Variants in ATP5MC3 observed in about 807,000 individuals in gnomAD.
ATP5MC3 encodes ATP synthase membrane subunit c locus 3.
In ATP5MC3, 6 loss-of-function variants were observed where a neutral mutation model predicts 15.6. The ratio of observed to expected loss-of-function variants is 0.38; its 90% CI spans 0.21 to 0.76. ATP5MC3 has a LOEUF of 0.76. Ranked by LOEUF, ATP5MC3 falls within the 30% of genes least tolerant of loss-of-function variation. The pLI, the probability that ATP5MC3 is intolerant of heterozygous loss-of-function variation, is 0.44. For missense variants in ATP5MC3, 132 were observed against 171.2 expected, an observed-to-expected ratio of 0.77 and a Z score of 1.28; for synonymous variants, 66 against 63.3, an observed-to-expected ratio of 1.04 and a Z score of -0.20.
At chr2:175,178,602 TA>T (rs1700722811) in intron 4 of ATP5MC3, 200 bp from the exon 5 acceptor site, 1 of 1,301,928 alleles carries the variant, frequency 7.7e-7, no homozygotes, top group Non-Finnish European at 9.8e-7. Flanking sequence ...TCTGTCAATA[TA>T]AATGGTTAGT....
At chr2:175,179,510 T>A in intron 3 of ATP5MC3, 1 of 412,116 alleles carries the variant, frequency 2.4e-6, no homozygotes, top group Non-Finnish European at 4.2e-6. Context: ...TGTTTTTTCT[T>A]AAAAGAGACA....
chr2:175,180,332 T>C (rs1312660861), intron 2 of ATP5MC3, among the ~76,000 whole-genome samples, 154 bp from the exon 3 acceptor site: 2 of 152,236 alleles, frequency 1.3e-5, no homozygotes, highest in East Asian at 1.9e-4. Flanking sequence ...TCATTTTTAA[T>C]ACATAAGCAA....
At position 175,181,427 on chromosome 2, in the gene ATP5MC3, T is replaced by C. The variant is rs569629231; in HGVS notation, c.-34A>G. On this transcript the variant is annotated 5_prime_UTR_variant, in exon 2 of 5. Transcript: ENST00000284727. ...CTTCGGGACTGCGCGGCTGGAGATA[T>C]TGGGTGACAGGCGACGTGGGCTCCT... 5.2e-5 allele frequency: 84 copies of C among 1,612,536 alleles called. No individual in the cohort carries two copies. The highest frequency in any genetic ancestry group is 2.5e-4 in the East Asian group (11 of 44,762).
intron 1 of ATP5MC3, 92 bp downstream of exon 1, chr2:175,181,564 C>T: frequency 1.3e-6 from 1 of 779,288 alleles, no homozygotes; most frequent in Non-Finnish European, 2.0e-6. Context: ...AGCTTGGGCC[C>T]CGTGCCCAGT....
In ATP5MC3 at chr2:175,178,047, C is replaced by A; in HGVS notation, c.*241G>T. On this transcript the variant is annotated 3_prime_UTR_variant, in exon 5 of 5. Coordinates refer to ENST00000284727, the MANE Select transcript of ATP5MC3 (RefSeq NM_001689.5). ...GGAATATTTTTCATCAGTGGAGCAA[C>A]TGCTGTAGCTTCCTCTGAATGGGAC... The A allele has an allele frequency of 2.0e-6, 1 of 501,910 alleles. No individual in the cohort carries two copies. Among genetic ancestry groups the A allele is most frequent in the Middle Eastern group, 6.4e-4 (1 of 1,572 alleles). The allele number at this position is 501,910 out of a possible 1,614,324, so 31.1% of individuals were successfully genotyped here. A position where few individuals can be genotyped will look rare whatever the true frequency, so the allele number is the denominator to read the frequency against.
In ATP5MC3 at chr2:175,176,556, A is replaced by G. The variant is rs930979183; in HGVS notation, c.*1732T>C. The G allele has an allele frequency of 4.6e-5, 7 of 152,174 alleles. No homozygotes were observed. The highest frequency in any genetic ancestry group is 9.7e-5 in the African/African-American group (4 of 41,436). The allele number at this position is 152,174 out of a possible 1,614,324, so 9.4% of individuals were successfully genotyped here. On this transcript the variant is annotated 3_prime_UTR_variant, in exon 5 of 5. Transcript: ENST00000284727. ...ACCAACTTTAATGACACTAATGTTA[A>G]TAAGTTCTGATAACCCACTACCATC...
chr2:175,178,845 T>A, intron 4 of ATP5MC3: 2 of 1,094,636 alleles, frequency 1.8e-6, no homozygotes, highest in Non-Finnish European at 1.2e-6. Context: ...GCAAGTAATG[T>A]GGCCTCTGTG....
chr2:175,181,635 C>G, intron 1 of ATP5MC3, 21 bp downstream of exon 1: 1 of 528,324 alleles, frequency 1.9e-6, no homozygotes, highest in African/African-American at 2.0e-5. Context: ...CCAGGCCGGG[C>G]TCCCTGTGCC....
At chr2:175,180,325 T>C (rs1256132733) in intron 2 of ATP5MC3, 147 bp from the exon 3 acceptor site, 5 of 525,628 alleles carry the variant, frequency 9.5e-6, no homozygotes, top group Non-Finnish European at 1.6e-5. Context: ...TGTTTGGTCA[T>C]TTTTAATACA....
In ATP5MC3 at chr2:175,180,175, G is replaced by A. The variant is rs1437202094; in HGVS notation, c.43C>T (p.Arg15Ter). 5.7e-6 allele frequency: 9 copies of A among 1,574,886 alleles called. No homozygotes were observed. The highest frequency in any genetic ancestry group is 1.4e-5 in the African/African-American group (1 of 72,188). ...AKLACTPSLI[R>*]AGSRVAYRPI... ...CTGTATGCAACTCTGGATCCAGCTC[G>A]GATCTATTAATGAAAAAAAAATAAA... The change falls in exon 3 of 5, where the codon CGA (arginine) becomes TGA (stop). Residue 15 changes from arginine to a stop codon, truncating the protein, a stop_gained. Coordinates refer to ENST00000284727, the MANE Select transcript of ATP5MC3 (RefSeq NM_001689.5). LOFTEE classifies it high-confidence loss of function.
At position 175,178,130 on chromosome 2, in the gene ATP5MC3, A is replaced by T. The variant is rs1366005147; in HGVS notation, c.*158T>A. Reference sequence around the variant, plus strand: ...ATAATCTAAACTTAGTGTAAGTACAAATCACAGAAGAAATTAAAGTTTTCA... The same window carrying T: ...ATAATCTAAACTTAGTGTAAGTACATATCACAGAAGAAATTAAAGTTTTCA... On this transcript the variant is annotated 3_prime_UTR_variant, in exon 5 of 5. Transcript: ENST00000284727. 7.4e-7 allele frequency: 1 copy of T among 1,347,814 alleles called. No individual in the cohort carries two copies. 83.5% of individuals were successfully genotyped at this position (1,347,814 alleles called of 1,614,324 possible).
intron 3 of ATP5MC3, chr2:175,179,766 C>T (rs928961563): frequency 3.0e-5 from 7 of 229,782 alleles, no homozygotes; most frequent in Admixed American, 2.9e-4. Context: ...TGGCCTCCCA[C>T]AGTGCTAGGA....
intron 3 of ATP5MC3, 109 bp downstream of exon 3, chr2:175,179,989 G>C (rs1017750467): frequency 1.6e-5 from 15 of 926,822 alleles, no homozygotes; most frequent in Non-Finnish European, 2.2e-5. Flanking sequence ...AAAAGGGTGG[G>C]AAAGACTTGC....
At chr2:175,180,239 T>A in intron 2 of ATP5MC3, 61 bp from the exon 3 acceptor site, 2 of 1,282,188 alleles carry the variant, frequency 1.6e-6, no homozygotes, top group African/African-American at 1.6e-5. Context: ...AAGACTTCAA[T>A]GACTTTTCTG....
At chr2:175,181,612 C>A (rs1700775406) in intron 1 of ATP5MC3, 44 bp downstream of exon 1, 2 of 571,862 alleles carry the variant, frequency 3.5e-6, no homozygotes, top group East Asian at 6.2e-5. Flanking sequence ...TACTGGGCGC[C>A]GCTCCGCCCT....
chr2:175,176,665 C>T lies in ATP5MC3; in HGVS notation c.*1623G>A, dbSNP rs1253242431. ...CGCAGTCACTCCCTTTTCACCCCCT[C>T]CCTAGTTCCTGATAACTACTAATTG... is the stretch of plus-strand genomic sequence containing the variant. On this transcript the variant is annotated 3_prime_UTR_variant, in exon 5 of 5. Transcript: ENST00000284727. 6.6e-6 allele frequency: 1 copy of T among 152,130 alleles called. No homozygotes were observed. The allele number at this position is 152,130 out of a possible 1,614,324, so 9.4% of individuals were successfully genotyped here. A position where few individuals can be genotyped will look rare whatever the true frequency, so the allele number is the denominator to read the frequency against.
Position 175,181,459 on chromosome 2 carries a change from C to A in ATP5MC3, c.-66G>T. ...ACAGGCGACGTGGGCTCCTCTCCCG[C>A]TTCCTCTCTGCGGAGGAAAAGAGGC... On this transcript the variant is annotated 5_prime_UTR_variant, in exon 2 of 5. Coordinates refer to ENST00000284727, the MANE Select transcript of ATP5MC3 (RefSeq NM_001689.5). The A allele has an allele frequency of 6.3e-7, 1 of 1,595,448 alleles. No individual in the cohort carries two copies. The highest frequency in any genetic ancestry group is 8.6e-7 in the Non-Finnish European group (1 of 1,166,958).
chr2:175,177,274 C>T lies in ATP5MC3; in HGVS notation c.*1014G>A, dbSNP rs1232189357. The stretch of plus-strand genomic sequence containing the variant: ...CACTTGAGGAACTTTGGTGACTGCT[C>T]TTTCTCAATGGAAATCAAACAGGCA... On this transcript the variant is annotated 3_prime_UTR_variant, in exon 5 of 5. Transcript: ENST00000284727. The T allele has an allele frequency of 6.6e-6, 1 of 152,136 alleles. No homozygotes were observed. The highest frequency in any genetic ancestry group is 1.5e-5 in the Non-Finnish European group (1 of 68,012). 9.4% of individuals were successfully genotyped at this position (152,136 alleles called of 1,614,324 possible).
Position 175,176,365 on chromosome 2 carries a change from T to C in ATP5MC3, c.*1923A>G, listed in dbSNP as rs201179783. The C allele has an allele frequency of 3.3e-5, 5 of 152,114 alleles. No individual in the cohort carries two copies. The East Asian group carries it at 9.6e-4, about 29-fold the overall frequency. The allele number at this position is 152,114 out of a possible 1,614,324, so 9.4% of individuals were successfully genotyped here. ...TTTATACTATGTACTTTGTATTAAATAGTAGTTTCAGTAAGACATGTAAAA... is the reference window on the plus strand; with the variant it reads ...TTTATACTATGTACTTTGTATTAAACAGTAGTTTCAGTAAGACATGTAAAA... On this transcript the variant is annotated 3_prime_UTR_variant, in exon 5 of 5. Coordinates refer to ENST00000284727, the MANE Select transcript of ATP5MC3 (RefSeq NM_001689.5).
Sources: allele counts gnomAD v4.1 joint callset (sites outside exome capture counted in the v4.1 genomes callset), GRCh38; gene constraint gnomAD v4.1.1; transcripts MANE v1.5; gene names NCBI Gene and HGNC (gene_info 2026-07-23, HGNC 2026-07-21).